TNXB: variants seen among roughly 807,000 people sequenced by gnomAD.
TNXB encodes the protein tenascin-X.
In TNXB, 183 loss-of-function variants were observed where a neutral mutation model predicts 340.5. That is an observed-to-expected ratio of 0.54 (90% CI 0.48 to 0.61). The LOEUF (loss-of-function observed/expected upper bound fraction) is 0.61. Ranked by LOEUF, TNXB falls within the 20% of genes least tolerant of loss-of-function variation. The pLI is 0.00. For missense variants in TNXB, 4,613 were observed against 5,446.4 expected, an observed-to-expected ratio of 0.85 and a Z score of 4.82; for synonymous variants, 2,121 against 2,314.5, an observed-to-expected ratio of 0.92 and a Z score of 2.40.
chr6:32,053,366 G>A, intron 25 of TNXB, 22 bp downstream of exon 25: 1 of 1,606,924 alleles, frequency 6.2e-7, no homozygotes, highest in Non-Finnish European at 8.5e-7. Flanking sequence ...GCCCCACTCT[G>A]GGGCTCCCAT....
intron 4 of TNXB, chr6:32,093,308 G>A (rs1352446700): frequency 8.8e-6 from 6 of 681,002 alleles, no homozygotes; most frequent in African/African-American, 3.5e-5. Flanking sequence ...TTCTTGTCTC[G>A]TGATTAAAGT....
In TNXB at chr6:32,046,187, G is replaced by A; in HGVS notation, c.10594C>T (p.Leu3532=). The change falls in exon 31 of 44, where the codon CTG becomes TTG. Residue 3532 remains leucine (L), a synonymous_variant. Coordinates refer to ENST00000644971, the MANE Select transcript of TNXB (RefSeq NM_001365276.2). This position sits in a 1 kb window ranked among gnomAD's most constrained non-coding sequence, Gnocchi z 6.9. ...ACAGCAGCCTCACCTGTCATTCCCA[G>A]GGCAGAGACCGGGCCCAGGCGCTTT... ...GGKRLGPVSA[L]GMTAPEEDTP... The A allele has an allele frequency of 6.3e-7, 1 of 1,584,324 alleles. No individual in the cohort carries two copies. The highest frequency in any genetic ancestry group is 2.3e-5 in the East Asian group (1 of 44,228).
chr6:32,094,250 A>G (rs1780212466), intron 4 of TNXB, among the ~76,000 whole-genome samples: 1 of 152,036 alleles, frequency 6.6e-6, no homozygotes, highest in Admixed American at 6.6e-5. Context: ...AAACCAAAAA[A>G]GATAACATTG....
At position 32,097,466 on chromosome 6, in the gene TNXB, G is replaced by C; in HGVS notation, c.404-17C>G. ...CTGTCTGACCTGGAGTAGGAGGGGA[G>C]AGGCAAGTCTCAGTCTCTCTCCTGG... On this transcript the variant is annotated splice_polypyrimidine_tract_variant and intron_variant, in intron 2 of 43. Transcript: ENST00000644971. The surrounding 1 kb of genome is among the most constrained non-coding windows in gnomAD (Gnocchi z 5.9). The C allele has an allele frequency of 6.3e-7, 1 of 1,578,154 alleles. No individual in the cohort carries two copies. The highest frequency in any genetic ancestry group is 8.6e-7 in the Non-Finnish European group (1 of 1,165,058).
chr6:32,088,996 C>T lies in TNXB; in HGVS notation c.2568G>A (p.Leu856=), dbSNP rs1192198831. Residue 856 remains leucine (L), a synonymous_variant, in exon 6 of 44, where the codon CTG becomes CTA. Coordinates refer to ENST00000644971, the MANE Select transcript of TNXB (RefSeq NM_001365276.2). ...CCTGGGGACGCAGCCAGCCAAGCTC[C>T]AGTGTTGTCGGTGTCACAGCCACCA... ...LRVVAVTPTT[L]ELGWLRPQAE... 3.1e-6 allele frequency: 5 copies of T among 1,611,174 alleles called. No individual in the cohort carries two copies. The highest frequency in any genetic ancestry group is 2.2e-5 in the South Asian group (2 of 90,498).
Position 32,074,458 on chromosome 6 carries a change from T to A in TNXB, c.4376-506A>T, listed in dbSNP as rs142044811. On this transcript the variant is annotated intron_variant, in intron 11 of 43. Transcript: ENST00000644971. This position sits in a 1 kb window ranked among gnomAD's most constrained non-coding sequence, Gnocchi z 5.5. ...GGCTGCATTTGTTGGGGGAGAAGAG[T>A]ATCAACCATCACTGACACCCTGGGA... Among the ~76,000 whole-genome samples, 1,470 of 152,084 alleles carry A rather than the reference T, an allele frequency of 9.7e-3. 25 individuals are homozygous for A. The highest frequency in any genetic ancestry group is 0.034 in the African/African-American group (1,406 of 41,470).
At chr6:32,048,282 G>T in intron 29 of TNXB, 81 bp downstream of exon 29, 8 of 1,396,168 alleles carry the variant, frequency 5.7e-6, no homozygotes, top group Non-Finnish European at 7.6e-6. Context: ...ACTGGAGTGT[G>T]GGGCACAGAA....
rs755830891 is a variant in TNXB at position 32,058,432 on chromosome 6, G to A, written c.7493-42C>T. The A allele has an allele frequency of 8.8e-6, 13 of 1,473,154 alleles. No homozygotes were observed. The highest frequency in any genetic ancestry group is 9.1e-7 in the Non-Finnish European group (1 of 1,097,944). 91.3% of individuals were successfully genotyped at this position (1,473,154 alleles called of 1,614,324 possible). The stretch of plus-strand genomic sequence containing the variant: ...GGGGATACAGAGTTTAAGGGTTTAA[G>A]GGCAACTTGCTTTGCTGGTGCTGTC... On this transcript the variant is annotated intron_variant, in intron 21 of 43. Transcript: ENST00000644971. This position sits in a 1 kb window ranked among gnomAD's most constrained non-coding sequence, Gnocchi z 5.1.
At chr6:32,101,608 T>C (rs929604660) in intron 1 of TNXB, among the ~76,000 whole-genome samples, 389 of 149,926 alleles carry the variant, frequency 2.6e-3, no homozygotes, top group South Asian at 0.024. Flanking sequence ...TTTTTTTTTT[T>C]AGTAGAGACA....
chr6:32,072,917 C>G lies in TNXB; in HGVS notation c.4682-619G>C, dbSNP rs1343037760. On this transcript the variant is annotated intron_variant, in intron 12 of 43. Transcript: ENST00000644971. The surrounding 1 kb of genome is among the most constrained non-coding windows in gnomAD (Gnocchi z 4.4). ...AGTGAGCCGAGATCGCGCCATTGCACTCCAGCCTGGATGACAAGAGCAAAA... is the reference window on the plus strand; with the variant it reads ...AGTGAGCCGAGATCGCGCCATTGCAGTCCAGCCTGGATGACAAGAGCAAAA... Among the ~76,000 whole-genome samples the G allele has an allele frequency of 6.6e-6, 1 of 152,232 alleles. No homozygotes were observed. Among genetic ancestry groups the G allele is most frequent in the Non-Finnish European group, 1.5e-5 (1 of 68,038 alleles).
In TNXB at chr6:32,097,483, C is replaced by G. The variant is rs187558142; in HGVS notation, c.404-34G>C. 552 of 1,566,340 alleles carry G rather than the reference C, an allele frequency of 3.5e-4. 7 individuals are homozygous for G. In the East Asian group the frequency reaches 0.011, roughly 31 times the overall value. The stretch of plus-strand genomic sequence containing the variant: ...GGAGGGGAGAGGCAAGTCTCAGTCT[C>G]TCTCCTGGGAGAGAGGCTGAGCCTA... On this transcript the variant is annotated intron_variant, in intron 2 of 43. Transcript: ENST00000644971. This position sits in a 1 kb window ranked among gnomAD's most constrained non-coding sequence, Gnocchi z 5.9.
chr6:32,048,911 G>A (rs1351988873), intron 28 of TNXB, among the ~76,000 whole-genome samples: 1 of 152,234 alleles, frequency 6.6e-6, no homozygotes, highest in Non-Finnish European at 1.5e-5. Flanking sequence ...CGCCTGCAAA[G>A]TCGCACAATC....
In TNXB at chr6:32,070,868, G is replaced by A. The variant is rs1778732237; in HGVS notation, c.4991-454C>T. 1.3e-5 allele frequency among the ~76,000 whole-genome samples: 2 copies of A among 152,342 alleles called. No individual in the cohort carries two copies. The highest frequency in any genetic ancestry group is 2.1e-4 in the South Asian group (1 of 4,828). On this transcript the variant is annotated intron_variant, in intron 13 of 43. Coordinates refer to ENST00000644971, the MANE Select transcript of TNXB (RefSeq NM_001365276.2). This position sits in a 1 kb window ranked among gnomAD's most constrained non-coding sequence, Gnocchi z 6.0. ...GGCACTCGGCAGGTCAGGGAGGCAG[G>A]ATGTTACGACACAGGTAGTTCTCAC...
chr6:32,053,603 G>T lies in TNXB; in HGVS notation c.8576C>A (p.Ser2859Tyr). The part of the protein sequence containing the change: ...ELTVTDATPD[S>Y]LSLSWMVPEG... ...GGGGACCATCCAGGACAGGCTGAGG[G>T]AGTCAGGGGTGGCATCTGTCACGGT... is the stretch of plus-strand genomic sequence containing the variant. The change falls in exon 25 of 44, where the codon TCC (serine) becomes TAC (tyrosine). Residue 2859 changes from serine to tyrosine, a missense_variant. Coordinates refer to ENST00000644971, the MANE Select transcript of TNXB (RefSeq NM_001365276.2). 6.2e-7 allele frequency: 1 copy of T among 1,613,662 alleles called. No individual in the cohort carries two copies. The highest frequency in any genetic ancestry group is 2.2e-5 in the East Asian group (1 of 44,866).
Position 32,047,881 on chromosome 6 carries a change from C to T in TNXB, c.10177G>A (p.Asp3393Asn). 2 of 1,612,556 alleles carry T rather than the reference C, an allele frequency of 1.2e-6. No individual in the cohort carries two copies. The highest frequency in any genetic ancestry group is 8.5e-7 in the Non-Finnish European group (1 of 1,179,684). Residue 3393 changes from aspartate to asparagine, a missense_variant, in exon 30 of 44, where the codon GAT (aspartate) becomes AAT (asparagine). Physicochemically the swap from Asp to Asn is conservative, Grantham distance 23. Around this residue, in one of 7 missense-constraint regions of TNXB, gnomAD observed 4,327 missense variants for 4,859.4 expected, o/e 0.89. Transcript: ENST00000644971. The surrounding 1 kb of genome is among the most constrained non-coding windows in gnomAD (Gnocchi z 6.2). ...ACCGGCACCACCTGGAGCCGACCATCCTTATCCTTGTACTGGACCACGAAG... is the reference window on the plus strand; with the variant it reads ...ACCGGCACCACCTGGAGCCGACCATTCTTATCCTTGTACTGGACCACGAAG... ...DSFVVQYKDK[D>N]GRLQVVPVAA...
Position 32,056,642 on chromosome 6 carries a change from A to G in TNXB, c.8087T>C (p.Leu2696Pro). ...LEPDHKYKMN[L>P]YGFHGGQRVG... ...GCGCTGGCCACCGTGGAAGCCGTACAGGTTCATCTTGTATTTATGGTCTGG... is the reference window on the plus strand; with the variant it reads ...GCGCTGGCCACCGTGGAAGCCGTACGGGTTCATCTTGTATTTATGGTCTGG... Residue 2696 changes from leucine (L) to proline (P), a missense_variant, in exon 23 of 44, where the codon CTG (leucine) becomes CCG (proline). Leu to Pro is a moderately conservative substitution (Grantham distance 98). This residue lies in a region of TNXB where 4,327 missense variants were observed against 4,859.4 expected (regional missense o/e 0.89). Coordinates refer to ENST00000644971, the MANE Select transcript of TNXB (RefSeq NM_001365276.2). 6.2e-7 allele frequency: 1 copy of G among 1,613,114 alleles called. No homozygotes were observed. The highest frequency in any genetic ancestry group is 1.1e-5 in the South Asian group (1 of 91,084).
rs764501653 is a variant in TNXB at position 32,067,752 on chromosome 6, C to A, written c.6453G>T (p.Gly2151=). 1.9e-6 allele frequency: 3 copies of A among 1,613,794 alleles called. No individual in the cohort carries two copies. Among genetic ancestry groups the A allele is most frequent in the Non-Finnish European group, 2.5e-6 (3 of 1,179,890 alleles). Residue 2151 remains glycine, a synonymous_variant, in exon 18 of 44, where the codon GGG becomes GGT. Transcript: ENST00000644971. The surrounding 1 kb of genome is among the most constrained non-coding windows in gnomAD (Gnocchi z 4.2). The part of the protein sequence containing the change: ...VGGEESEVTV[G]GLEPGRKYKM... ...TGTACTTGCGCCCAGGCTCCAGGCC[C>A]CCCACGGTGACTTCACTCTCCTCGC...
At position 32,087,905 on chromosome 6, in the gene TNXB, G is replaced by C. The variant is rs778472807; in HGVS notation, c.2779+880C>G. On this transcript the variant is annotated intron_variant, in intron 6 of 43. Coordinates refer to ENST00000644971, the MANE Select transcript of TNXB (RefSeq NM_001365276.2). The surrounding 1 kb of genome is among the most constrained non-coding windows in gnomAD (Gnocchi z 9.0). ...GGCCTCGAGGGCCAAGGGGGCCGTGGGGGCCGCGGGGCTGGGGCTGGCCGG... is the reference window on the plus strand; with the variant it reads ...GGCCTCGAGGGCCAAGGGGGCCGTGCGGGCCGCGGGGCTGGGGCTGGCCGG... The C allele has an allele frequency of 5.5e-6, 2 of 363,824 alleles. 1 individual carries two copies. Among genetic ancestry groups the C allele is most frequent in the Non-Finnish European group, 1.1e-5 (2 of 188,966 alleles). 22.5% of individuals were successfully genotyped at this position (363,824 alleles called of 1,614,324 possible). A position where few individuals can be genotyped will look rare whatever the true frequency, so the allele number is the denominator to read the frequency against.
chr6:32,070,089 G>T lies in TNXB; in HGVS notation c.5278+38C>A. Reference sequence around the variant, plus strand: ...AGTGACCGTCTGCTGCTTGGCCTGAGGGGAGCAGAGCAGGGACCTGCAGGG... The same window carrying T: ...AGTGACCGTCTGCTGCTTGGCCTGATGGGAGCAGAGCAGGGACCTGCAGGG... On this transcript the variant is annotated intron_variant, in intron 14 of 43. Coordinates refer to ENST00000644971, the MANE Select transcript of TNXB (RefSeq NM_001365276.2). The surrounding 1 kb of genome is among the most constrained non-coding windows in gnomAD (Gnocchi z 6.0). 1 of 1,507,708 alleles carries T rather than the reference G, an allele frequency of 6.6e-7. No individual in the cohort carries two copies. The allele number at this position is 1,507,708 out of a possible 1,614,324, so 93.4% of individuals were successfully genotyped here.
Sources: gnomAD v4.1 joint callset for allele counts (sites outside exome capture counted in the v4.1 genomes callset) on GRCh38, gnomAD v4.1.1 for gene constraint, gnomAD v4.1.1 regional missense constraint, Gnocchi (gnomAD v3.1) non-coding constraint, MANE v1.5 for transcripts, NCBI Gene and HGNC (gene_info 2026-07-23, HGNC 2026-07-21) for gene names.